CAB39L: variants seen among roughly 807,000 people sequenced by gnomAD.
The protein encoded by CAB39L is calcium binding protein 39 like, also known as calcium-binding protein 39-like.
A neutral mutation model predicts 39.1 loss-of-function variants in CAB39L; 23 were observed. The observed-to-expected ratio is 0.59, with a 90% CI of 0.42 to 0.83. CAB39L has a LOEUF of 0.83. Ranked by LOEUF, CAB39L falls within the 40% of genes least tolerant of loss-of-function variation. The probability of loss-of-function intolerance (pLI) is 0.00; values close to 1 mark genes in which losing one functional copy is unlikely to be tolerated. For missense variants in CAB39L, 366 were observed against 391.9 expected, an observed-to-expected ratio of 0.93 and a Z score of 0.56; for synonymous variants, 126 against 137.2, an observed-to-expected ratio of 0.92 and a Z score of 0.57.
At chr13:49,322,738 T>C (rs1954384679) in intron 10 of CAB39L, among the ~76,000 whole-genome samples, 1 of 152,194 alleles carries the variant, frequency 6.6e-6, no homozygotes, top group African/African-American at 2.4e-5. Flanking sequence ...AATTCATCCT[T>C]CCACTTCAGA....
chr13:49,426,847 C>G (rs1957252924), intron 3 of CAB39L, among the ~76,000 whole-genome samples: 1 of 152,176 alleles, frequency 6.6e-6, no homozygotes, highest in Admixed American at 6.5e-5. Context: ...GTTTGTTTCT[C>G]TCTTGTTCAT....
chr13:49,330,839 G>C (rs565409883), intron 10 of CAB39L, among the ~76,000 whole-genome samples: 26 of 151,876 alleles, frequency 1.7e-4, no homozygotes, highest in African/African-American at 5.6e-4. Flanking sequence ...GCACATTGTA[G>C]CATTACTTAG....
intron 5 of CAB39L, among the ~76,000 whole-genome samples, chr13:49,362,825 GA>G (rs1019261489): frequency 1.3e-5 from 2 of 150,552 alleles, no homozygotes; most frequent in Non-Finnish European, 1.5e-5. Flanking sequence ...CAACATCAAA[GA>G]AAAAAAAATC....
intron 2 of CAB39L, among the ~76,000 whole-genome samples, chr13:49,433,740 G>C (rs369968083): frequency 4.3e-4 from 66 of 152,306 alleles, no homozygotes; most frequent in African/African-American, 1.5e-3. Flanking sequence ...GTATCTTAAA[G>C]GTCAGTGTTT....
At chr13:49,337,730 G>GCGCA (rs1180937607) in intron 9 of CAB39L, among the ~76,000 whole-genome samples, 3 of 85,362 alleles carry the variant, frequency 3.5e-5, no homozygotes, top group African/African-American at 1.6e-4. Flanking sequence ...AGCTGCTCTG[G>GCGCA]CGCACACACA....
intron 3 of CAB39L, among the ~76,000 whole-genome samples, chr13:49,389,225 C>G (rs1412407382): frequency 6.6e-6 from 1 of 152,122 alleles, no homozygotes; most frequent in Admixed American, 6.6e-5. Context: ...GGGTATATAT[C>G]CAAAGGAACT....
At chr13:49,372,316 A>C (rs1256916937) in intron 5 of CAB39L, among the ~76,000 whole-genome samples, 1 of 152,216 alleles carries the variant, frequency 6.6e-6, no homozygotes. Flanking sequence ...TTATAGCTAC[A>C]TAATGAGATT....
intron 5 of CAB39L, among the ~76,000 whole-genome samples, chr13:49,363,746 C>T (rs1209010707): frequency 2.7e-5 from 4 of 150,474 alleles, no homozygotes; most frequent in African/African-American, 9.8e-5. Context: ...TCACCTGAGC[C>T]CAGGAGGTCA....
intron 4 of CAB39L, among the ~76,000 whole-genome samples, chr13:49,381,931 T>A (rs1396920872): frequency 6.6e-6 from 1 of 152,222 alleles, no homozygotes; most frequent in Non-Finnish European, 1.5e-5. Flanking sequence ...GATAATAAAC[T>A]GGTTTTCAAA....
At chr13:49,322,512 T>A (rs550077559) in intron 10 of CAB39L, among the ~76,000 whole-genome samples, 1 of 152,246 alleles carries the variant, frequency 6.6e-6, no homozygotes, top group African/African-American at 2.4e-5. Flanking sequence ...TTTACTGTTA[T>A]GCAGATGCAA....
chr13:49,378,622 T>A (rs1594022346), intron 4 of CAB39L, among the ~76,000 whole-genome samples: 1 of 56,906 alleles, frequency 1.8e-5, no homozygotes, highest in Admixed American at 1.4e-4. Flanking sequence ...AGCCGCCCCG[T>A]CCGGGAGGTG....
intron 10 of CAB39L, among the ~76,000 whole-genome samples, chr13:49,312,850 T>C (rs1167533774): frequency 6.6e-6 from 1 of 152,186 alleles, no homozygotes; most frequent in Non-Finnish European, 1.5e-5. Flanking sequence ...ATTGAATAGA[T>C]TTTACCATTG....
chr13:49,409,155 G>A (rs1956940117), intron 3 of CAB39L, among the ~76,000 whole-genome samples: 1 of 152,162 alleles, frequency 6.6e-6, no homozygotes, highest in Non-Finnish European at 1.5e-5. Context: ...AGAGCATACA[G>A]CAGTACAGCA....
At chr13:49,370,048 C>G (rs1472835676) in intron 5 of CAB39L, among the ~76,000 whole-genome samples, 1 of 151,784 alleles carries the variant, frequency 6.6e-6, no homozygotes, top group Non-Finnish European at 1.5e-5. Context: ...TGGTGTGTTG[C>G]GGGGGAGTTG....
At chr13:49,430,803 A>C (rs1362987442) in intron 3 of CAB39L, among the ~76,000 whole-genome samples, 3 of 152,216 alleles carry the variant, frequency 2.0e-5, no homozygotes, top group African/African-American at 7.2e-5. Context: ...GATGTTATCA[A>C]ATCTTTGAAG....
intron 6 of CAB39L, among the ~76,000 whole-genome samples, chr13:49,353,785 A>G (rs1955419044): frequency 6.6e-6 from 1 of 151,952 alleles, no homozygotes; most frequent in South Asian, 2.1e-4. Context: ...GATATGTTTT[A>G]CTTATCCTGT....
rs993523728 is a variant in CAB39L, at chr13:49,309,491, G to A, written c.*1323C>T. On this transcript the variant is annotated 3_prime_UTR_variant, in exon 11 of 11. Coordinates refer to ENST00000409308, the MANE Select transcript of CAB39L (RefSeq NM_001079670.3). ...AGGGAGGGTTCCTGTGGAAGGCAAC[G>A]ATTCATGATTTAGAAACTGAAGTGT... The A allele has an allele frequency of 2.0e-5, 3 of 152,224 alleles. No homozygotes were observed. The highest frequency in any genetic ancestry group is 4.1e-4 in the South Asian group (2 of 4,830). 9.4% of individuals were successfully genotyped at this position (152,224 alleles called of 1,614,324 possible).
intron 9 of CAB39L, among the ~76,000 whole-genome samples, chr13:49,336,469 T>G (rs190812705): frequency 3.9e-5 from 6 of 152,302 alleles, no homozygotes; most frequent in Admixed American, 6.5e-5. Context: ...GGTGAATTAA[T>G]GAAAAACAGG....
intron 10 of CAB39L, among the ~76,000 whole-genome samples, chr13:49,317,088 G>A (rs1465702112): frequency 6.6e-6 from 1 of 152,042 alleles, no homozygotes; most frequent in East Asian, 1.9e-4. Context: ...GTTGTTTTAA[G>A]CCATTCTGTC....
Sources: allele counts gnomAD v4.1 joint callset (sites outside exome capture counted in the v4.1 genomes callset), GRCh38; gene constraint gnomAD v4.1.1; transcripts MANE v1.5; gene names NCBI Gene and HGNC (gene_info 2026-07-23, HGNC 2026-07-21).